LRP6: variants seen among roughly 807,000 people sequenced by gnomAD.
LRP6 encodes LDL receptor related protein 6, also known as low-density lipoprotein receptor-related protein 6.
Under a neutral mutation model 184.1 loss-of-function variants are expected in LRP6, and 43 were observed. That is an observed-to-expected ratio of 0.23 (90% CI 0.18 to 0.30). The LOEUF is 0.30. LRP6 is among the 10% of genes least tolerant of loss of function. The pLI, the probability that LRP6 is intolerant of heterozygous loss-of-function variation, is 1.00. For synonymous variants in LRP6, 719 were observed against 684.9 expected, an observed-to-expected ratio of 1.05 and a Z score of -0.78; for missense variants, 1,571 against 2,005.3, an observed-to-expected ratio of 0.78 and a Z score of 4.14.
At chr12:12,162,484 T>G (rs1472332991) in intron 9 of LRP6, 65 bp from the exon 10 acceptor site, 4 of 1,430,592 alleles carry the variant, frequency 2.8e-6, no homozygotes, top group Non-Finnish European at 3.9e-6. Context: ...GAAAGAAGGT[T>G]TGGTTTGGTT....
At chr12:12,187,314 A>G in intron 3 of LRP6, 195 bp from the exon 4 acceptor site, 1 of 594,556 alleles carries the variant, frequency 1.7e-6, no homozygotes, top group South Asian at 2.0e-5. Context: ...GGTGTCCAAA[A>G]GCCCCAAACA....
intron 1 of LRP6, among the ~76,000 whole-genome samples, chr12:12,263,502 G>T (rs959511708): frequency 6.8e-6 from 1 of 146,262 alleles, no homozygotes; most frequent in Non-Finnish European, 1.5e-5. Flanking sequence ...AGTGAGCGGA[G>T]ATCACACCAA....
In LRP6 at chr12:12,158,939, G is replaced by A. The variant is rs1386669098; in HGVS notation, c.2681C>T (p.Ala894Val). 1 of 1,614,198 alleles carries A rather than the reference G, an allele frequency of 6.2e-7. No individual in the cohort carries two copies. Among genetic ancestry groups the A allele is most frequent in the South Asian group, 1.1e-5 (1 of 91,074 alleles). Residue 894 changes from alanine to valine, a missense_variant, in exon 12 of 23, where the codon GCT becomes GTT. By Grantham distance (64) the Ala-to-Val change is moderately conservative. Around this residue, in one of 4 missense-constraint regions of LRP6, gnomAD observed 158 missense variants for 258.4 expected, o/e 0.61. Coordinates refer to ENST00000261349, the MANE Select transcript of LRP6 (RefSeq NM_002336.3). ...GTGGGAGCAGTGCCCATTGCTGGAA[G>A]CACATTCATTCCACCCTGACTGTCG... ...SSRQSGWNEC[A>V]SSNGHCSHLC...
chr12:12,156,799 A>G (rs1195516941), intron 12 of LRP6, among the ~76,000 whole-genome samples: 1 of 152,080 alleles, frequency 6.6e-6, no homozygotes, highest in African/African-American at 2.4e-5. Flanking sequence ...TCTGGTTGCT[A>G]CTTCTCAGTG....
chr12:12,253,728 T>C lies in LRP6; in HGVS notation c.56-9073A>G, dbSNP rs187345578. On this transcript the variant is annotated intron_variant, in intron 1 of 22. Coordinates refer to ENST00000261349, the MANE Select transcript of LRP6 (RefSeq NM_002336.3). The stretch of plus-strand genomic sequence containing the variant: ...CTTTCACTTTTAAGATTATCAGTAA[T>C]AGGTTAATCATCACCGTTTTAAGTA... Among the ~76,000 whole-genome samples the C allele has an allele frequency of 2.6e-5, 4 of 152,254 alleles. 1 individual carries two copies. The highest frequency in any genetic ancestry group is 9.6e-5 in the African/African-American group (4 of 41,554).
At chr12:12,124,361 G>A (rs1009908098) in intron 22 of LRP6, among the ~76,000 whole-genome samples, 12 of 151,676 alleles carry the variant, frequency 7.9e-5, no homozygotes, top group Admixed American at 4.6e-4. Context: ...CAACAAGAGC[G>A]AAATCCATCT....
At chr12:12,239,086 G>A (rs1385553575) in intron 2 of LRP6, among the ~76,000 whole-genome samples, 1 of 152,112 alleles carries the variant, frequency 6.6e-6, no homozygotes, top group African/African-American at 2.4e-5. Context: ...AGAAGGGAAG[G>A]AAGGCATTTA....
chr12:12,155,277 G>A (rs1950135630), intron 12 of LRP6: 1 of 748,640 alleles, frequency 1.3e-6, no homozygotes, highest in Non-Finnish European at 2.5e-6. Flanking sequence ...GAACACAAAG[G>A]GAAAGAGGAG....
chr12:12,238,740 G>C (rs1864984423), intron 2 of LRP6, among the ~76,000 whole-genome samples: 1 of 152,056 alleles, frequency 6.6e-6, no homozygotes, highest in Non-Finnish European at 1.5e-5. Flanking sequence ...GACGCTTATT[G>C]AAAGAAACAC....
intron 4 of LRP6, among the ~76,000 whole-genome samples, chr12:12,185,025 T>G (rs1863435738): frequency 6.6e-6 from 1 of 152,158 alleles, no homozygotes; most frequent in Admixed American, 6.5e-5. Flanking sequence ...CCAGGCACGG[T>G]GGCTCGTGAC....
In LRP6 at chr12:12,181,341, T is replaced by C; in HGVS notation, c.1075A>G (p.Ile359Val). Residue 359 changes from isoleucine (I) to valine (V), a missense_variant, in exon 6 of 23, where the codon ATC (isoleucine) becomes GTC (valine). Coordinates refer to ENST00000261349, the MANE Select transcript of LRP6 (RefSeq NM_002336.3). ...TAATCTATGGCAATGGCATGACGGA[T>C]GTCTTCTAACTGCAGAACAATGTCT... ...FTDIVLQLED[I>V]RHAIAIDYDP... 6.2e-7 allele frequency: 1 copy of C among 1,613,928 alleles called. No individual in the cohort carries two copies. Among genetic ancestry groups the C allele is most frequent in the Non-Finnish European group, 8.5e-7 (1 of 1,179,798 alleles).
At chr12:12,218,474 C>CAATAA (rs751920762) in intron 2 of LRP6, among the ~76,000 whole-genome samples, 3 of 94,026 alleles carry the variant, frequency 3.2e-5, no homozygotes, top group Non-Finnish European at 6.5e-5. Context: ...AAGACCCTCT[C>CAATAA]TCAATAATAA....
chr12:12,245,501 A>G (rs1865161588), intron 1 of LRP6, among the ~76,000 whole-genome samples: 2 of 152,312 alleles, frequency 1.3e-5, no homozygotes, highest in Admixed American at 6.5e-5. Context: ...TATATTATCA[A>G]TAATGATGGT....
chr12:12,222,482 G>C (rs564172689), intron 2 of LRP6, among the ~76,000 whole-genome samples: 1 of 151,316 alleles, frequency 6.6e-6, no homozygotes, highest in African/African-American at 2.4e-5. Flanking sequence ...CAGGAGAATC[G>C]CTTGAATCCA....
intron 18 of LRP6, among the ~76,000 whole-genome samples, chr12:12,131,097 ATTTTTTTTTTTT>A (rs35705276): frequency 1.3e-5 from 1 of 78,150 alleles, no homozygotes; most frequent in Non-Finnish European, 2.5e-5. Context: ...ATTTCCTAAC[ATTTTTTTTTTTT>A]TTTTTTTTTT....
At chr12:12,170,056 A>G (rs1331546992) in intron 7 of LRP6, among the ~76,000 whole-genome samples, 1 of 152,174 alleles carries the variant, frequency 6.6e-6, no homozygotes, top group Admixed American at 6.5e-5. Context: ...ACATGCCAGG[A>G]GAATGTTTTC....
At position 12,186,434 on chromosome 12, in the gene LRP6, A is replaced by G. The variant is rs1200747324; in HGVS notation, c.844+489T>C. On this transcript the variant is annotated intron_variant, in intron 4 of 22. Coordinates refer to ENST00000261349, the MANE Select transcript of LRP6 (RefSeq NM_002336.3). ...CGCTCTGTTGCCCAGGCTGGAGTGC[A>G]GTGGCACAATCTCGGCTCACTGCAA... 2.0e-5 allele frequency among the ~76,000 whole-genome samples: 3 copies of G among 152,216 alleles called. No individual in the cohort carries two copies. The East Asian group carries it at 5.8e-4, about 29-fold the overall frequency.
At chr12:12,211,520 G>A (rs1864211033) in intron 2 of LRP6, among the ~76,000 whole-genome samples, 1 of 152,204 alleles carries the variant, frequency 6.6e-6, no homozygotes, top group African/African-American at 2.4e-5. Context: ...CGGACGAACT[G>A]AAGCATCCTA....
chr12:12,219,826 G>A (rs1343102912), intron 2 of LRP6, among the ~76,000 whole-genome samples: 1 of 152,170 alleles, frequency 6.6e-6, no homozygotes, highest in Non-Finnish European at 1.5e-5. Flanking sequence ...TAAGTCCTGA[G>A]CTTTTCCAGT....
Sources: allele counts gnomAD v4.1 joint callset (sites outside exome capture counted in the v4.1 genomes callset), GRCh38; gene constraint gnomAD v4.1.1; regional missense constraint gnomAD v4.1.1; transcripts MANE v1.5; gene names NCBI Gene and HGNC (gene_info 2026-07-23, HGNC 2026-07-21).